PSME4: variants seen among roughly 807,000 people sequenced by gnomAD.
The protein encoded by PSME4 is proteasome activator complex subunit 4.
PSME4 carries 89 observed loss-of-function variants against 253.9 expected under a neutral mutation model. The observed-to-expected ratio is 0.35, with a 90% confidence interval of 0.30 to 0.42. The LOEUF (loss-of-function observed/expected upper bound fraction) is 0.42, where lower values mean the gene tolerates loss of function less well. Among genes scored for constraint, PSME4 ranks in the 10% least tolerant of loss-of-function variants. PSME4 has a pLI of 1.00. For missense variants in PSME4, 2,014 were observed against 2,195.2 expected, an observed-to-expected ratio of 0.92 and a Z score of 1.65; for synonymous variants, 851 against 759.2, an observed-to-expected ratio of 1.12 and a Z score of -1.99.
chr2:53,887,932 T>C lies in PSME4; in HGVS notation c.4446A>G (p.Leu1482=), dbSNP rs1289583441. The change falls in exon 39 of 47, where the codon CTA becomes CTG. Residue 1482 remains leucine, a synonymous_variant. Transcript: ENST00000404125. Reference sequence around the variant, plus strand: ...CCAAGTACTTCAGTAGTCTGTGCAATAGTTCAGGCACTCTCCATTCTTGCT... The same window carrying C: ...CCAAGTACTTCAGTAGTCTGTGCAACAGTTCAGGCACTCTCCATTCTTGCT... ...LAQQEWRVPE[L]LHRLLKYLEP... 3.1e-6 allele frequency: 5 copies of C among 1,609,290 alleles called. No individual in the cohort carries two copies. Among genetic ancestry groups the C allele is most frequent in the East Asian group, 2.2e-5 (1 of 44,848 alleles).
intron 44 of PSME4, among the ~76,000 whole-genome samples, chr2:53,868,711 T>C (rs1370495443): frequency 1.3e-5 from 2 of 150,242 alleles, no homozygotes; most frequent in Non-Finnish European, 3.0e-5. Context: ...AAGACACTAA[T>C]CAGCAGTAAA....
rs774239847 is a variant in PSME4 at position 53,874,362 on chromosome 2, G to C, written c.5077C>G (p.Leu1693Val). 4 of 1,612,598 alleles carry C rather than the reference G, an allele frequency of 2.5e-6. No homozygotes were observed. Among genetic ancestry groups the C allele is most frequent in the Non-Finnish European group, 3.4e-6 (4 of 1,179,690 alleles). ...VKDIRWLVIS[L>V]LEDEQLEVRE... ...ACCTCCAGTTGTTCGTCCTCCAAAA[G>C]ACTTATAACCAGCCACCTGATATCT... The change falls in exon 43 of 47, where the codon CTT (leucine) becomes GTT (valine). Residue 1693 changes from leucine (L) to valine (V), a missense_variant. By Grantham distance (32) the Leu-to-Val change is conservative. Transcript: ENST00000404125.
chr2:53,937,902 G>C lies in PSME4; in HGVS notation c.546-362C>G, dbSNP rs1186432948. Among the ~76,000 whole-genome samples, 4 of 151,910 alleles carry C rather than the reference G, an allele frequency of 2.6e-5. No individual in the cohort carries two copies. In the South Asian group the frequency reaches 8.3e-4, roughly 31 times the overall value. On this transcript the variant is annotated intron_variant, in intron 4 of 46. Coordinates refer to ENST00000404125, the MANE Select transcript of PSME4 (RefSeq NM_014614.3). ...CAGCTACTCAGAAAGCTGGGGTTGG[G>C]GGATCATTAGAGCCCAGGAGATGGA...
At chr2:53,967,571 G>T (rs868119233) in intron 1 of PSME4, among the ~76,000 whole-genome samples, 2 of 148,450 alleles carry the variant, frequency 1.3e-5, no homozygotes, top group African/African-American at 5.0e-5. Flanking sequence ...GAACCAGGGA[G>T]GTGGAGGTGG....
At chr2:53,880,371 G>A (rs1273945953) in intron 41 of PSME4, among the ~76,000 whole-genome samples, 1 of 151,760 alleles carries the variant, frequency 6.6e-6, no homozygotes, top group African/African-American at 2.4e-5. Context: ...GAGGTGGGAG[G>A]ATTGCTTGAG....
intron 1 of PSME4, among the ~76,000 whole-genome samples, chr2:53,953,406 T>C (rs900858799): frequency 6.6e-6 from 1 of 150,848 alleles, no homozygotes; most frequent in Non-Finnish European, 1.5e-5. Flanking sequence ...TCCCAGCACT[T>C]TGGGAGGCGA....
At position 53,892,897 on chromosome 2, in the gene PSME4, C is replaced by A; in HGVS notation, c.4102G>T (p.Val1368Phe). The A allele has an allele frequency of 6.2e-7, 1 of 1,613,794 alleles. No individual in the cohort carries two copies. Among genetic ancestry groups the A allele is most frequent in the Non-Finnish European group, 8.5e-7 (1 of 1,179,836 alleles). ...TGGGTGCTTTCATGTGAATCTGCAA[C>A]CAAATGTTCTAAATGGGGCTTCAGA... is the stretch of plus-strand genomic sequence containing the variant. ...PVLKPHLEHL[V>F]ADSHESTQRC... Residue 1368 changes from valine (V) to phenylalanine (F), a missense_variant, in exon 36 of 47, where the codon GTT becomes TTT. By Grantham distance (50) the Val-to-Phe change is conservative. Around this residue, in one of 4 missense-constraint regions of PSME4, gnomAD observed 989 missense variants for 1,021.1 expected, o/e 0.97. Transcript: ENST00000404125.
intron 27 of PSME4, among the ~76,000 whole-genome samples, chr2:53,902,090 C>T (rs568173476): frequency 1.4e-4 from 22 of 152,118 alleles, no homozygotes; most frequent in Non-Finnish European, 2.2e-4. Context: ...AGAAATTGTT[C>T]AAAGAATGGC....
chr2:53,901,255 A>C, intron 28 of PSME4, 95 bp downstream of exon 28: 1 of 1,156,606 alleles, frequency 8.6e-7, no homozygotes, highest in Admixed American at 2.1e-5. Context: ...AAATGCCAAG[A>C]ATATTATTAC....
At chr2:53,914,573 A>T (rs1667970437) in intron 20 of PSME4, among the ~76,000 whole-genome samples, 1 of 152,182 alleles carries the variant, frequency 6.6e-6, no homozygotes. Flanking sequence ...GAAACTGTAA[A>T]GTTTATAGTA....
intron 1 of PSME4, among the ~76,000 whole-genome samples, chr2:53,959,694 T>C (rs1293034079): frequency 6.6e-6 from 1 of 152,182 alleles, no homozygotes; most frequent in Non-Finnish European, 1.5e-5. Flanking sequence ...ACATATAATA[T>C]TAAAAATGTA....
At chr2:53,908,693 A>C in intron 22 of PSME4, 91 bp downstream of exon 22, 1 of 1,448,650 alleles carries the variant, frequency 6.9e-7, no homozygotes, top group Non-Finnish European at 9.4e-7. Flanking sequence ...TTAGAATAAA[A>C]AACATTAAGT....
chr2:53,970,526 G>A lies in PSME4; in HGVS notation c.242+17C>T, dbSNP rs1189834861. 2 of 1,546,932 alleles carry A rather than the reference G, an allele frequency of 1.3e-6. No individual in the cohort carries two copies. Among genetic ancestry groups the A allele is most frequent in the South Asian group, 1.2e-5 (1 of 83,876 alleles). On this transcript the variant is annotated intron_variant, in intron 1 of 46. Coordinates refer to ENST00000404125, the MANE Select transcript of PSME4 (RefSeq NM_014614.3). ...GCCTTTCCCCCCGGCCCGGCCCGCAGGCCCGGGCACACTTACGTGGAGAGT... is the reference window on the plus strand; with the variant it reads ...GCCTTTCCCCCCGGCCCGGCCCGCAAGCCCGGGCACACTTACGTGGAGAGT...
chr2:53,871,922 G>T (rs1414813940), intron 43 of PSME4, among the ~76,000 whole-genome samples: 2 of 152,074 alleles, frequency 1.3e-5, no homozygotes, highest in Non-Finnish European at 2.9e-5. Context: ...GCTGAAGCAG[G>T]AGAATCGCTT....
chr2:53,879,675 A>G (rs1223448683), intron 41 of PSME4, among the ~76,000 whole-genome samples: 1 of 152,062 alleles, frequency 6.6e-6, no homozygotes, highest in Non-Finnish European at 1.5e-5. Flanking sequence ...TGTCTACCAA[A>G]TAAGCCCAGA....
At chr2:53,898,495 A>T (rs1277746257) in intron 29 of PSME4, 141 bp from the exon 30 acceptor site, 1 of 609,296 alleles carries the variant, frequency 1.6e-6, no homozygotes, top group African/African-American at 1.9e-5. Context: ...CCTGATGAGA[A>T]GCAAGCCAGA....
In PSME4 at chr2:53,897,999, C is replaced by T; in HGVS notation, c.3477G>A (p.Leu1159=). The T allele has an allele frequency of 6.2e-7, 1 of 1,610,656 alleles. No individual in the cohort carries two copies. The highest frequency in any genetic ancestry group is 8.5e-7 in the Non-Finnish European group (1 of 1,179,058). The change falls in exon 31 of 47, where the codon CTG becomes CTA. Residue 1159 remains leucine (L), a splice_region_variant and synonymous_variant. Transcript: ENST00000404125. ...TLLDGVEQRN[L]PWKFEHIGIG... is the part of the protein sequence containing the mutation. ...TGCCTATATGTTCAAATTTCCAGGG[C>T]CTTAAAAGGAGGAAAAATAACAAAG...
intron 46 of PSME4, chr2:53,865,809 T>C: frequency 2.9e-6 from 1 of 338,984 alleles, no homozygotes; most frequent in South Asian, 5.0e-5. Flanking sequence ...AAGATGTATT[T>C]TCCTTTATCT....
intron 11 of PSME4, among the ~76,000 whole-genome samples, 194 bp from the exon 12 acceptor site, chr2:53,927,677 T>C (rs1020757482): frequency 6.6e-6 from 1 of 152,222 alleles, no homozygotes; most frequent in Non-Finnish European, 1.5e-5. Context: ...CCGAGCGCAG[T>C]GGCTCACACC....
Sources: allele counts gnomAD v4.1 joint callset (sites outside exome capture counted in the v4.1 genomes callset), GRCh38; gene constraint gnomAD v4.1.1; regional missense constraint gnomAD v4.1.1; transcripts MANE v1.5; gene names NCBI Gene and HGNC (gene_info 2026-07-23, HGNC 2026-07-21).